The following CDKL3 variants were observed in gnomAD, a reference collection of about 807,000 sequenced individuals.
The protein encoded by CDKL3 is cyclin dependent kinase like 3, also known as cyclin-dependent kinase-like 3.
In CDKL3, 65 loss-of-function variants were observed where a neutral mutation model predicts 69.3. The ratio of observed to expected loss-of-function variants is 0.94; its 90% CI spans 0.77 to 1.15. The LOEUF is 1.15. Among genes scored for constraint, CDKL3 ranks in the 50% most tolerant of loss-of-function variants. The pLI is 0.00. For missense variants in CDKL3, 652 were observed against 689.2 expected, an observed-to-expected ratio of 0.95 and a Z score of 0.61; for synonymous variants, 202 against 221.6, an observed-to-expected ratio of 0.91 and a Z score of 0.79.
Position 134,360,039 on chromosome 5 carries a change from T to C in CDKL3, c.218A>G (p.Lys73Arg). Residue 73 changes from lysine to arginine, a missense_variant, in exon 3 of 13, where the codon AAG (lysine) becomes AGG (arginine). Physicochemically the swap from Lys to Arg is conservative, Grantham distance 26. Coordinates refer to ENST00000265334, the MANE Select transcript of CDKL3 (RefSeq NM_001113575.2). ...AAATTCAAATACCAAATGAATTTTC[T>C]TTTTCTGTCTAAAAACTTCAATCAG... The part of the protein sequence containing the change: ...VNLIEVFRQK[K>R]KIHLVFEFID... The C allele has an allele frequency of 6.4e-7, 1 of 1,553,154 alleles. No homozygotes were observed. The highest frequency in any genetic ancestry group is 8.7e-7 in the Non-Finnish European group (1 of 1,148,066).
At chr5:134,335,154 TTTC>T (rs796524465) in intron 4 of CDKL3, among the ~76,000 whole-genome samples, 122 of 152,084 alleles carry the variant, frequency 8.0e-4, no homozygotes, top group African/African-American at 2.8e-3. Flanking sequence ...TTTTTTTTTT[TTTC>T]CGCTTTCCAT....
intron 4 of CDKL3, among the ~76,000 whole-genome samples, chr5:134,337,693 T>C (rs1248200989): frequency 1.3e-5 from 2 of 152,160 alleles, no homozygotes. Context: ...ACATTAACAT[T>C]TTAAAATTTT....
intron 7 of CDKL3, among the ~76,000 whole-genome samples, chr5:134,309,178 T>C (rs1296770607): frequency 1.3e-5 from 2 of 152,174 alleles, no homozygotes; most frequent in Non-Finnish European, 2.9e-5. Flanking sequence ...TTTCACCTCC[T>C]GGGTTCAAGC....
chr5:134,371,550 G>C, upstream of CDKL3: 1 of 1,602,630 alleles, frequency 6.2e-7, no homozygotes, highest in Non-Finnish European at 8.5e-7. Flanking sequence ...GGGGGGCTGC[G>C]CGGGACTTTT....
intron 4 of CDKL3, among the ~76,000 whole-genome samples, chr5:134,333,944 CT>C (rs1292837392): frequency 2.0e-5 from 3 of 152,140 alleles, no homozygotes; most frequent in East Asian, 1.9e-4. Flanking sequence ...TGGTCCTGGA[CT>C]TTTTTTGGTT....
intron 3 of CDKL3, among the ~76,000 whole-genome samples, chr5:134,353,198 A>G (rs889735971): frequency 6.6e-6 from 1 of 152,212 alleles, no homozygotes; most frequent in African/African-American, 2.4e-5. Flanking sequence ...ACAAGAAGTG[A>G]AAGTCCACAA....
At chr5:134,326,833 A>T (rs201289095) in intron 4 of CDKL3, among the ~76,000 whole-genome samples, 1 of 83,568 alleles carries the variant, frequency 1.2e-5, no homozygotes, top group Non-Finnish European at 2.1e-5. Flanking sequence ...ATATATATAT[A>T]TATATATATA....
rs151250707 is a variant in CDKL3, at chr5:134,306,911, T to C, written c.1365-209A>G. On this transcript the variant is annotated intron_variant, in intron 9 of 12. Transcript: ENST00000265334. ...CTGGGATTACTGGTGTGCTCCAACA[T>C]GCCCAACTAATTTTTGTATTTTTTG... is the stretch of plus-strand genomic sequence containing the variant. 3.3e-3 allele frequency among the ~76,000 whole-genome samples: 499 copies of C among 152,148 alleles called. 1 individual carries two copies. The highest frequency in any genetic ancestry group is 0.011 in the African/African-American group (472 of 41,512).
chr5:134,304,392 A>G lies in CDKL3; in HGVS notation c.1621+13T>C, dbSNP rs1767185711. Reference sequence around the variant, plus strand: ...TATCATCATAATTGTAAAGCTATGCAACAAATGTGTACCTTCCATTCCTTT... The same window carrying G: ...TATCATCATAATTGTAAAGCTATGCGACAAATGTGTACCTTCCATTCCTTT... On this transcript the variant is annotated intron_variant, in intron 11 of 12. Coordinates refer to ENST00000265334, the MANE Select transcript of CDKL3 (RefSeq NM_001113575.2). 3 of 1,587,826 alleles carry G rather than the reference A, an allele frequency of 1.9e-6. No individual in the cohort carries two copies. The highest frequency in any genetic ancestry group is 2.6e-6 in the Non-Finnish European group (3 of 1,165,606).
At chr5:134,301,816 GGC>G in intron 12 of CDKL3, among the ~76,000 whole-genome samples, 2 of 152,130 alleles carry the variant, frequency 1.3e-5, no homozygotes, top group Non-Finnish European at 2.9e-5. Flanking sequence ...GAACCCGGGA[GGC>G]AGAGGTTGCA....
rs534218517 is a variant in CDKL3, at chr5:134,367,096, T to C, written c.-141A>G. 2.3e-5 allele frequency: 23 copies of C among 986,130 alleles called. No homozygotes were observed. Among genetic ancestry groups the C allele is most frequent in the South Asian group, 1.4e-4 (3 of 21,446 alleles). 61.1% of individuals were successfully genotyped at this position (986,130 alleles called of 1,614,324 possible). A position where few individuals can be genotyped will look rare whatever the true frequency, so the allele number is the denominator to read the frequency against. ...TTCCAGTGGAGCCACCGAACACTGATACTACTTTGTTGCTCAGCCCCGCAA... is the reference window on the plus strand; with the variant it reads ...TTCCAGTGGAGCCACCGAACACTGACACTACTTTGTTGCTCAGCCCCGCAA... On this transcript the variant is annotated 5_prime_UTR_variant, in exon 1 of 13. Coordinates refer to ENST00000265334, the MANE Select transcript of CDKL3 (RefSeq NM_001113575.2).
chr5:134,319,371 G>C lies in CDKL3; in HGVS notation c.779C>G (p.Ala260Gly), dbSNP rs1472576327. Residue 260 changes from alanine (A) to glycine (G), a missense_variant, in exon 6 of 13, where the codon GCA (alanine) becomes GGA (glycine). Ala to Gly is a moderately conservative substitution (Grantham distance 60). Transcript: ENST00000265334. Reference protein sequence around the residue: ...KKYPKLNGLLADIVHACLQID... With the variant: ...KKYPKLNGLLGDIVHACLQID... Reference sequence around the variant, plus strand: ...AAAAAAACATACATGAACTATATCTGCCAACAATCCATTAAGCTTTGGATA... The same window carrying C: ...AAAAAAACATACATGAACTATATCTCCCAACAATCCATTAAGCTTTGGATA... 4.0e-6 allele frequency: 6 copies of C among 1,517,814 alleles called. No homozygotes were observed. The highest frequency in any genetic ancestry group is 2.4e-5 in the Admixed American group (1 of 40,976). 94.0% of individuals were successfully genotyped at this position (1,517,814 alleles called of 1,614,324 possible). A position where few individuals can be genotyped will look rare whatever the true frequency, so the allele number is the denominator to read the frequency against.
chr5:134,349,808 C>T (rs1014758247), intron 4 of CDKL3, among the ~76,000 whole-genome samples: 1 of 152,118 alleles, frequency 6.6e-6, no homozygotes, highest in Non-Finnish European at 1.5e-5. Flanking sequence ...AGGTGTCCCT[C>T]TTCTTAGCCC....
upstream of CDKL3, among the ~76,000 whole-genome samples, chr5:134,368,899 G>A (rs536440156): frequency 1.3e-5 from 2 of 152,236 alleles, no homozygotes; most frequent in Non-Finnish European, 2.9e-5. Context: ...GCATGGTGGT[G>A]CACACCTGTG....
intron 7 of CDKL3, among the ~76,000 whole-genome samples, chr5:134,311,844 G>A (rs1382214767): frequency 1.3e-5 from 2 of 152,034 alleles, no homozygotes; most frequent in African/African-American, 2.4e-5. Flanking sequence ...ACCCAGGCTG[G>A]AGTGCAGTGG....
intron 4 of CDKL3, among the ~76,000 whole-genome samples, chr5:134,326,176 C>T (rs944643958): frequency 2.6e-5 from 4 of 152,134 alleles, no homozygotes; most frequent in Admixed American, 6.6e-5. Flanking sequence ...AAGCAGTTCA[C>T]TTTTCCCCAG....
downstream of CDKL3, among the ~76,000 whole-genome samples, chr5:134,295,108 G>A (rs1580758478): frequency 6.8e-6 from 1 of 147,982 alleles, no homozygotes; most frequent in African/African-American, 2.5e-5. Flanking sequence ...TCCACCTCCT[G>A]GGTTCAAGCA....
At position 134,350,204 on chromosome 5, in the gene CDKL3, AAG is replaced by A. The variant is rs775178038; in HGVS notation, c.539+43_539+44del. On this transcript the variant is annotated intron_variant, in intron 4 of 12. Transcript: ENST00000265334. The stretch of plus-strand genomic sequence containing the variant: ...CGCCATCTCAAAAAATAAACAAAAA[AAG>A]AGATACCTAGGAAAGGCTGACAGGA... The A allele has an allele frequency of 2.0e-5, 29 of 1,425,756 alleles. No homozygotes were observed. The East Asian group carries it at 6.9e-4, about 34-fold the overall frequency. The allele number at this position is 1,425,756 out of a possible 1,614,324, so 88.3% of individuals were successfully genotyped here.
At chr5:134,359,396 T>A (rs934616874) in intron 3 of CDKL3, among the ~76,000 whole-genome samples, 1 of 152,176 alleles carries the variant, frequency 6.6e-6, no homozygotes, top group Non-Finnish European at 1.5e-5. Flanking sequence ...CTGTGATCTT[T>A]CCTCTTCCTT....
Sources: allele counts gnomAD v4.1 joint callset (sites outside exome capture counted in the v4.1 genomes callset), GRCh38; gene constraint gnomAD v4.1.1; transcripts MANE v1.5; gene names NCBI Gene and HGNC (gene_info 2026-07-23, HGNC 2026-07-21).